CCDC3: variants seen among roughly 807,000 people sequenced by gnomAD.
The protein encoded by CCDC3 is coiled-coil domain-containing protein 3.
Under a neutral mutation model 21.4 loss-of-function variants are expected in CCDC3, and 24 were observed. The ratio of observed to expected loss-of-function variants is 1.12; its 90% CI spans 0.81 to 1.58. CCDC3 has a LOEUF of 1.58. CCDC3 is among the 40% of genes most tolerant of loss of function. The pLI, the probability that CCDC3 is intolerant of heterozygous loss-of-function variation, is 0.00. For synonymous variants in CCDC3, 186 were observed against 166.0 expected, an observed-to-expected ratio of 1.12 and a Z score of -0.93; for missense variants, 425 against 360.9, an observed-to-expected ratio of 1.18 and a Z score of -1.44.
At chr10:13,030,323 C>A (rs528982005) in intron 5 of CCDC3, among the ~76,000 whole-genome samples, 4 of 152,268 alleles carry the variant, frequency 2.6e-5, no homozygotes, top group East Asian at 3.9e-4. Context: ...GCCTGCCTTA[C>A]AAGAGCTCCT....
chr10:13,087,166 A>C (rs1837121460), intron 3 of CCDC3, among the ~76,000 whole-genome samples: 1 of 152,210 alleles, frequency 6.6e-6, no homozygotes, highest in South Asian at 2.1e-4. Context: ...GCACTTTGGA[A>C]GGCCAAGGCG....
At chr10:12,969,072 T>C (rs1455834705) in intron 2 of CCDC3, among the ~76,000 whole-genome samples, 1 of 152,132 alleles carries the variant, frequency 6.6e-6, no homozygotes, top group African/African-American at 2.4e-5. Context: ...GATAAGAAGT[T>C]AATATTCAAA....
At chr10:12,936,853 C>T (rs1298235631) in intron 2 of CCDC3, among the ~76,000 whole-genome samples, 2 of 152,230 alleles carry the variant, frequency 1.3e-5, no homozygotes, top group Non-Finnish European at 2.9e-5. Flanking sequence ...TTCGAGGCTA[C>T]AGTGAGTTGT....
intron 2 of CCDC3, among the ~76,000 whole-genome samples, chr10:12,974,300 C>T (rs1564304567): frequency 6.6e-6 from 1 of 152,186 alleles, no homozygotes; most frequent in African/African-American, 2.4e-5. Flanking sequence ...CTGAACCTGG[C>T]CAAGTCGTCA....
chr10:13,043,090 C>T (rs2131419651), intron 5 of CCDC3, among the ~76,000 whole-genome samples: 1 of 151,052 alleles, frequency 6.6e-6, no homozygotes, highest in East Asian at 1.9e-4. Context: ...TTATTTTAGG[C>T]TTAGGGGGTA....
At chr10:12,964,275 G>A (rs1835226064) in intron 2 of CCDC3, among the ~76,000 whole-genome samples, 1 of 152,078 alleles carries the variant, frequency 6.6e-6, no homozygotes, top group African/African-American at 2.4e-5. Context: ...AGGAGGCTGA[G>A]GCAGGAGAAT....
chr10:12,944,626 C>A (rs1216583886), intron 2 of CCDC3, among the ~76,000 whole-genome samples: 4 of 152,156 alleles, frequency 2.6e-5, no homozygotes, highest in African/African-American at 9.7e-5. Context: ...TATAATGGGC[C>A]ATGGTTCTTA....
intron 2 of CCDC3, among the ~76,000 whole-genome samples, chr10:12,918,819 C>T (rs372629870): frequency 1.6e-4 from 25 of 151,652 alleles, no homozygotes; most frequent in Admixed American, 2.0e-4. Context: ...TTTGGGAGGC[C>T]GAGGCAGGTG....
chr10:12,914,268 T>C (rs986247381), intron 2 of CCDC3, among the ~76,000 whole-genome samples: 4 of 152,218 alleles, frequency 2.6e-5, no homozygotes. Flanking sequence ...ATTACTGTTC[T>C]GTTCAAATTT....
chr10:12,924,527 G>C (rs1285993103), intron 2 of CCDC3, among the ~76,000 whole-genome samples: 1 of 152,202 alleles, frequency 6.6e-6, no homozygotes, highest in Non-Finnish European at 1.5e-5. Flanking sequence ...GAGAATAGCC[G>C]AAGTGGAACA....
intron 5 of CCDC3, among the ~76,000 whole-genome samples, chr10:13,009,244 C>T (rs570943465): frequency 1.8e-4 from 27 of 152,148 alleles, no homozygotes; most frequent in Non-Finnish European, 3.4e-4. Context: ...TTGAGAACTA[C>T]AAAACATTAC....
chr10:12,924,782 G>GT, intron 2 of CCDC3: 1 of 152,300 alleles, frequency 6.6e-6, no homozygotes, highest in South Asian at 2.1e-4. Flanking sequence ...TGCTACGGCC[G>GT]TAAGTGACTC....
At chr10:12,961,481 A>G (rs558402032) in intron 2 of CCDC3, among the ~76,000 whole-genome samples, 16 of 152,356 alleles carry the variant, frequency 1.1e-4, no homozygotes, top group African/African-American at 3.6e-4. Context: ...TGTCCTAGCC[A>G]CAGTCTATGT....
intron 5 of CCDC3, among the ~76,000 whole-genome samples, chr10:13,036,633 C>T (rs1039577026): frequency 1.2e-4 from 18 of 151,668 alleles, no homozygotes; most frequent in East Asian, 2.0e-4. Context: ...GACAGGTGCA[C>T]GCCACCATGC....
intron 5 of CCDC3, among the ~76,000 whole-genome samples, chr10:13,033,144 T>C (rs1455957500): frequency 7.2e-5 from 11 of 152,070 alleles, no homozygotes; most frequent in Non-Finnish European, 1.6e-4. Context: ...AAAACAGAGA[T>C]ATAGACCAAT....
intron 2 of CCDC3, among the ~76,000 whole-genome samples, chr10:12,944,091 T>A (rs891587088): frequency 1.3e-5 from 2 of 152,118 alleles, no homozygotes; most frequent in African/African-American, 4.8e-5. Context: ...GTGACTCCAG[T>A]AGAGTACCAC....
upstream of CCDC3, among the ~76,000 whole-genome samples, chr10:13,006,097 T>A (rs750067963): frequency 6.6e-6 from 1 of 152,184 alleles, no homozygotes; most frequent in Non-Finnish European, 1.5e-5. Context: ...GATCCATTCA[T>A]CATACTGTCA....
intron 2 of CCDC3, among the ~76,000 whole-genome samples, chr10:12,937,107 A>T (rs1216579424): frequency 4.5e-5 from 4 of 88,646 alleles, no homozygotes; most frequent in Admixed American, 1.1e-4. Context: ...GTCCCTGTGG[A>T]CTTTTTTTTT....
At chr10:12,902,424 T>C (rs1371439561) in intron 2 of CCDC3, among the ~76,000 whole-genome samples, 1 of 152,174 alleles carries the variant, frequency 6.6e-6, no homozygotes, top group Non-Finnish European at 1.5e-5. Flanking sequence ...GGCTTTAATA[T>C]GGCCAAGTAC....
Sources: allele counts gnomAD v4.1 joint callset (sites outside exome capture counted in the v4.1 genomes callset), GRCh38; gene constraint gnomAD v4.1.1; transcripts MANE v1.5; gene names NCBI Gene and HGNC (gene_info 2026-07-23, HGNC 2026-07-21).